Variants in LRP8 observed in about 807,000 individuals in gnomAD.
LRP8 encodes the protein low-density lipoprotein receptor-related protein 8.
In LRP8, 46 loss-of-function variants were observed where a neutral mutation model predicts 111.6. That is an observed-to-expected ratio of 0.41 (90% CI 0.33 to 0.53). The LOEUF (loss-of-function observed/expected upper bound fraction) is 0.53, where lower values mean the gene tolerates loss of function less well. Among genes scored for constraint, LRP8 ranks in the 20% least tolerant of loss-of-function variants. LRP8 has a pLI of 0.20. For synonymous variants in LRP8, 464 were observed against 511.2 expected, an observed-to-expected ratio of 0.91 and a Z score of 1.24; for missense variants, 959 against 1,297.4, an observed-to-expected ratio of 0.74 and a Z score of 4.01.
In LRP8 at chr1:53,317,644, A is replaced by G. The variant is rs1653979520; in HGVS notation, c.244+9229T>C. ...TTCCCTGTGCAGGAATCACAGGCTC[A>G]GGAAGGGAAGGGAAACGCTCATTTT... On this transcript the variant is annotated intron_variant, in intron 2 of 18. Transcript: ENST00000306052. The surrounding 1 kb of genome is among the most constrained non-coding windows in gnomAD (Gnocchi z 4.9). Among the ~76,000 whole-genome samples, 1 of 152,208 alleles carries G rather than the reference A, an allele frequency of 6.6e-6. No individual in the cohort carries two copies. The highest frequency in any genetic ancestry group is 2.1e-4 in the South Asian group (1 of 4,826).
intron 16 of LRP8, among the ~76,000 whole-genome samples, chr1:53,253,569 A>C (rs1279252831): frequency 6.6e-6 from 1 of 152,218 alleles, no homozygotes; most frequent in Non-Finnish European, 1.5e-5. Flanking sequence ...AGAAATTAAA[A>C]ATATTGAATA....
intron 15 of LRP8, 84 bp downstream of exon 15, chr1:53,257,156 G>T: frequency 8.1e-7 from 1 of 1,230,102 alleles, no homozygotes; most frequent in East Asian, 2.4e-5. Context: ...AGCTCTGGTA[G>T]GTTCTGTCTT....
chr1:53,311,758 G>A (rs552505465), intron 2 of LRP8, among the ~76,000 whole-genome samples: 3 of 152,286 alleles, frequency 2.0e-5, no homozygotes, highest in South Asian at 2.1e-4. Flanking sequence ...GACCCCACTC[G>A]TAACCACCAC....
chr1:53,283,185 T>G (rs1161787504), intron 3 of LRP8, among the ~76,000 whole-genome samples: 3 of 151,874 alleles, frequency 2.0e-5, no homozygotes. Flanking sequence ...ACAAAAGAGG[T>G]CAGGGGGAGC....
chr1:53,289,554 G>A lies in LRP8; in HGVS notation c.367+13C>T. ...GAGGCCCACCCCCACCCAGACTGAG[G>A]GGCAGGACTCACTGCAAGTGGCCTC... On this transcript the variant is annotated intron_variant, in intron 3 of 18. Coordinates refer to ENST00000306052, the MANE Select transcript of LRP8 (RefSeq NM_004631.5). The A allele has an allele frequency of 6.3e-7, 1 of 1,592,680 alleles. No homozygotes were observed. The highest frequency in any genetic ancestry group is 8.6e-7 in the Non-Finnish European group (1 of 1,167,852).
chr1:53,289,413 C>A, intron 3 of LRP8, 154 bp downstream of exon 3: 1 of 1,069,256 alleles, frequency 9.4e-7, no homozygotes, highest in Non-Finnish European at 1.3e-6. Context: ...TCAGTAGAAA[C>A]CAGCAACTAA....
Position 53,258,469 on chromosome 1 carries a change from G to T in LRP8, c.2059C>A (p.Pro687Thr). Reference sequence around the variant, plus strand: ...TGGACACTCAGCTCACAGGCATCTGGAGCTAATGGCAGAGAGGGAGACAGC... The same window carrying T: ...TGGACACTCAGCTCACAGGCATCTGTAGCTAATGGCAGAGAGGGAGACAGC... Reference protein sequence around the residue: ...IFHELKQPRAPDACELSVQPN... With the variant: ...IFHELKQPRATDACELSVQPN... Residue 687 changes from proline to threonine, a missense_variant and splice_region_variant, in exon 14 of 19, where the codon CCA becomes ACA. Coordinates refer to ENST00000306052, the MANE Select transcript of LRP8 (RefSeq NM_004631.5). The T allele has an allele frequency of 6.2e-7, 1 of 1,613,812 alleles. No homozygotes were observed. Among genetic ancestry groups the T allele is most frequent in the East Asian group, 2.2e-5 (1 of 44,880 alleles).
chr1:53,257,572 C>G (rs1646148674), intron 14 of LRP8, 108 bp from the exon 15 acceptor site: 2 of 799,962 alleles, frequency 2.5e-6, no homozygotes, highest in Non-Finnish European at 4.1e-6. Context: ...GCTCAAATGC[C>G]ACTTCTGTGA....
intron 2 of LRP8, among the ~76,000 whole-genome samples, chr1:53,310,679 C>A (rs1160599285): frequency 6.6e-6 from 1 of 152,130 alleles, no homozygotes; most frequent in Non-Finnish European, 1.5e-5. Context: ...AGCCTGGGAG[C>A]CATGGAGCCT....
chr1:53,263,975 T>G (rs1157633702), intron 10 of LRP8, among the ~76,000 whole-genome samples, 194 bp downstream of exon 10: 1 of 152,138 alleles, frequency 6.6e-6, no homozygotes, highest in Non-Finnish European at 1.5e-5. Context: ...AACGAGTGGG[T>G]GGGAGAGTCC....
In LRP8 at chr1:53,250,649, A is replaced by G; in HGVS notation, c.2676+41T>C. The G allele has an allele frequency of 6.4e-7, 1 of 1,568,108 alleles. No homozygotes were observed. The highest frequency in any genetic ancestry group is 8.8e-7 in the Non-Finnish European group (1 of 1,142,310). On this transcript the variant is annotated intron_variant, in intron 17 of 18. Coordinates refer to ENST00000306052, the MANE Select transcript of LRP8 (RefSeq NM_004631.5). This position sits in a 1 kb window ranked among gnomAD's most constrained non-coding sequence, Gnocchi z 4.6. ...AGGGGAAGAAAGGATGGAAGGGAAG[A>G]TGGTCGGAAGGTAGGAATTCTCCCA... is the stretch of plus-strand genomic sequence containing the variant.
intron 3 of LRP8, among the ~76,000 whole-genome samples, chr1:53,285,350 C>T (rs1358650591): frequency 6.6e-6 from 1 of 152,156 alleles, no homozygotes; most frequent in Non-Finnish European, 1.5e-5. Context: ...GCAGGTTCTG[C>T]ACGATGGCCA....
chr1:53,322,158 T>C (rs377130009), intron 2 of LRP8, among the ~76,000 whole-genome samples: 18 of 152,014 alleles, frequency 1.2e-4, no homozygotes, highest in Middle Eastern at 3.4e-3. Flanking sequence ...ACCTCCTGCT[T>C]ACCAGGCATG....
At chr1:53,327,055 C>A in intron 1 of LRP8, 63 bp from the exon 2 acceptor site, 2 of 1,582,330 alleles carry the variant, frequency 1.3e-6, no homozygotes. Context: ...ACCATGCAGT[C>A]CGGGCCACCC....
At chr1:53,276,576 A>C in intron 5 of LRP8, 116 bp downstream of exon 5, 35 of 739,306 alleles carry the variant, frequency 4.7e-5, no homozygotes, top group Non-Finnish European at 5.7e-5. Context: ...CTCTGTAGTA[A>C]ACCCGGGTAA....
At chr1:53,324,743 T>C (rs1047768291) in intron 2 of LRP8, among the ~76,000 whole-genome samples, 2 of 152,132 alleles carry the variant, frequency 1.3e-5, no homozygotes, top group Non-Finnish European at 1.5e-5. Context: ...CTCCATCTCG[T>C]CCAAAGCCTC....
At chr1:53,327,124 G>T in intron 1 of LRP8, 132 bp from the exon 2 acceptor site, 1 of 1,263,798 alleles carries the variant, frequency 7.9e-7, no homozygotes, top group Non-Finnish European at 1.1e-6. Flanking sequence ...GGGGCTTCAG[G>T]CACACTCCAT....
rs555503507 is a variant in LRP8 at position 53,303,232 on chromosome 1, G to A, written c.245-13543C>T. ...CTCCCCGTTCGAATGGGAGAGGGCC[G>A]GGGGCAGACAGGCAAGGGGCATGGC... On this transcript the variant is annotated intron_variant, in intron 2 of 18. Transcript: ENST00000306052. The surrounding 1 kb of genome is among the most constrained non-coding windows in gnomAD (Gnocchi z 4.3). Among the ~76,000 whole-genome samples, 25 of 152,308 alleles carry A rather than the reference G, an allele frequency of 1.6e-4. No homozygotes were observed. In the East Asian group the frequency reaches 4.2e-3, roughly 26 times the overall value.
intron 8 of LRP8, among the ~76,000 whole-genome samples, chr1:53,269,921 A>C (rs1224259631): frequency 6.6e-6 from 1 of 152,228 alleles, no homozygotes; most frequent in Non-Finnish European, 1.5e-5. Flanking sequence ...AATACAATGA[A>C]TTAATTCTGC....
Sources: gnomAD v4.1 joint callset for allele counts (sites outside exome capture counted in the v4.1 genomes callset) on GRCh38, gnomAD v4.1.1 for gene constraint, Gnocchi (gnomAD v3.1) non-coding constraint, MANE v1.5 for transcripts, NCBI Gene and HGNC (gene_info 2026-07-23, HGNC 2026-07-21) for gene names.